Variants in OTOA observed in about 807,000 individuals in gnomAD.
The protein encoded by OTOA is otoancorin.
OTOA carries 70 observed loss-of-function variants against 110.8 expected under a neutral mutation model. The observed-to-expected ratio is 0.63, with a 90% CI of 0.52 to 0.77. OTOA has a LOEUF of 0.77. OTOA is among the 30% of genes least tolerant of loss of function. The probability of loss-of-function intolerance (pLI) is 0.00; values close to 1 mark genes in which losing one functional copy is unlikely to be tolerated. For synonymous variants in OTOA, 373 were observed against 431.5 expected (o/e 0.86, Z 1.68); for missense variants, 917 against 1,075.8 (o/e 0.85, Z 2.06).
intron 13 of OTOA, among the ~76,000 whole-genome samples, chr16:21,713,917 G>A (rs1190249997): frequency 6.6e-6 from 1 of 152,186 alleles, no homozygotes; most frequent in Non-Finnish European, 1.5e-5. Context: ...AGTTGAGGGA[G>A]ACGGTTTTGT....
At chr16:21,725,254 G>T (rs1318505773) in intron 18 of OTOA, among the ~76,000 whole-genome samples, 3 of 152,076 alleles carry the variant, frequency 2.0e-5, no homozygotes, top group Non-Finnish European at 4.4e-5. Context: ...TAAGACAGTG[G>T]TACTGGGAAT....
chr16:21,714,332 C>CCTTCCTTCCTTCCTTCCTTT (rs1555499743), intron 13 of OTOA, among the ~76,000 whole-genome samples: 20 of 127,736 alleles, frequency 1.6e-4, no homozygotes, highest in African/African-American at 5.6e-4. Context: ...TTCCTTCCTT[C>CCTTCCTTCCTTCCTTCCTTT]CTTTCTTTCT....
chr16:21,682,272 G>C (rs919467320), intron 6 of OTOA, among the ~76,000 whole-genome samples: 1 of 152,168 alleles, frequency 6.6e-6, no homozygotes, highest in Non-Finnish European at 1.5e-5. Context: ...TCCAATCCAG[G>C]GGATGGGTGG....
chr16:21,722,247 G>A (rs1349957226), intron 17 of OTOA, among the ~76,000 whole-genome samples: 3 of 80,614 alleles, frequency 3.7e-5, no homozygotes, highest in Non-Finnish European at 8.3e-5. Context: ...AGGTGACAGA[G>A]TGAGACTGTC....
intron 7 of OTOA, among the ~76,000 whole-genome samples, chr16:21,686,476 A>G (rs1021987133): frequency 6.6e-6 from 1 of 152,006 alleles, no homozygotes; most frequent in African/African-American, 2.4e-5. Flanking sequence ...TTTATTTTTT[A>G]GGGACGGGGT....
rs1231220843 is a variant in OTOA, at chr16:21,675,932, TA to T, written c.-4-2573del. ...TGCCTGGTAATTTTTATTTATTTATTAAAAAATTTCTTTGAGACAGGTTCTC... is the reference window on the plus strand; with the variant it reads ...TGCCTGGTAATTTTTATTTATTTATTAAAAATTTCTTTGAGACAGGTTCTC... On this transcript the variant is annotated intron_variant, in intron 1 of 28. Coordinates refer to ENST00000646100, the MANE Select transcript of OTOA (RefSeq NM_144672.4). 4.6e-5 allele frequency among the ~76,000 whole-genome samples: 7 copies of T among 152,182 alleles called. No individual in the cohort carries two copies. In the East Asian group the frequency reaches 1.2e-3, roughly 25 times the overall value.
chr16:21,694,160 G>T (rs1307061649), intron 9 of OTOA, among the ~76,000 whole-genome samples: 5 of 152,138 alleles, frequency 3.3e-5, no homozygotes, highest in Non-Finnish European at 5.9e-5. Context: ...TAAAAAGCAG[G>T]CAGGGTGCAG....
At chr16:21,712,371 G>A (rs1391127309) in intron 13 of OTOA, among the ~76,000 whole-genome samples, 1 of 151,686 alleles carries the variant, frequency 6.6e-6, no homozygotes, top group Non-Finnish European at 1.5e-5. Context: ...GAATCCCAAA[G>A]AATAAAGGAG....
intron 8 of OTOA, among the ~76,000 whole-genome samples, 163 bp from the exon 9 acceptor site, chr16:21,691,421 C>A (rs1415540908): frequency 2.0e-5 from 3 of 152,204 alleles, no homozygotes; most frequent in African/African-American, 7.2e-5. Flanking sequence ...AATCAATTTA[C>A]ATTCCAACCA....
intron 11 of OTOA, 162 bp downstream of exon 11, chr16:21,701,189 A>G (rs1000597646): frequency 9.6e-7 from 1 of 1,040,026 alleles, no homozygotes; most frequent in Non-Finnish European, 1.4e-6. Flanking sequence ...GGTGTCTGCA[A>G]CTTTTTTTAT....
intron 6 of OTOA, among the ~76,000 whole-genome samples, chr16:21,683,631 A>G (rs1018330108): frequency 6.6e-6 from 1 of 151,936 alleles, no homozygotes; most frequent in Admixed American, 6.6e-5. Context: ...GCTTGAGCCC[A>G]GGAGTTTGAG....
intron 28 of OTOA, among the ~76,000 whole-genome samples, chr16:21,757,533 C>T (rs1470057645): frequency 4.6e-5 from 7 of 152,400 alleles, no homozygotes; most frequent in African/African-American, 1.4e-4. Flanking sequence ...CTACCCAGAA[C>T]GCATAACATC....
chr16:21,691,663 C>T lies in OTOA; in HGVS notation c.715C>T (p.Leu239=), dbSNP rs2141665407. Residue 239 remains leucine (L), a synonymous_variant, in exon 9 of 29, where the codon CTG becomes TTG. Coordinates refer to ENST00000646100, the MANE Select transcript of OTOA (RefSeq NM_144672.4). ...RALYSWMTGI[L]QTSSNATDDS... is the part of the protein sequence containing the mutation. ...TCTCTATTCCTGGATGACTGGAATA[C>T]TGCAGACATCCTCCAATGCCACTGG... The T allele has an allele frequency of 6.2e-7, 1 of 1,613,756 alleles. No individual in the cohort carries two copies. Among genetic ancestry groups the T allele is most frequent in the East Asian group, 2.2e-5 (1 of 44,874 alleles).
intron 1 of OTOA, among the ~76,000 whole-genome samples, chr16:21,673,265 A>G (rs997826977): frequency 6.6e-6 from 1 of 152,230 alleles, no homozygotes; most frequent in Admixed American, 6.5e-5. Context: ...TAACAATAGT[A>G]CCATATAAAA....
chr16:21,728,478 G>A (rs751447969), intron 20 of OTOA, 47 bp downstream of exon 20: 1 of 1,591,568 alleles, frequency 6.3e-7, no homozygotes, highest in East Asian at 2.3e-5. Context: ...TATGCTCTGT[G>A]GAGGGACACT....
intron 17 of OTOA, among the ~76,000 whole-genome samples, chr16:21,722,246 A>C (rs955710737): frequency 2.0e-3 from 160 of 81,356 alleles, no homozygotes; most frequent in African/African-American, 6.7e-3. Context: ...TAGGTGACAG[A>C]GTGAGACTGT....
intron 8 of OTOA, among the ~76,000 whole-genome samples, chr16:21,690,420 C>T (rs537730666): frequency 1.3e-5 from 2 of 151,910 alleles, no homozygotes; most frequent in Non-Finnish European, 2.9e-5. Flanking sequence ...GTTCAGCTTC[C>T]ACTTACAAGT....
At chr16:21,696,551 T>C (rs1294960836) in intron 9 of OTOA, among the ~76,000 whole-genome samples, 2 of 152,048 alleles carry the variant, frequency 1.3e-5, no homozygotes, top group Admixed American at 1.3e-4. Flanking sequence ...GTCAAACATA[T>C]TTCATGTTGC....
chr16:21,715,493 T>G (rs1201461392), intron 14 of OTOA, among the ~76,000 whole-genome samples: 3 of 150,132 alleles, frequency 2.0e-5, no homozygotes, highest in African/African-American at 7.4e-5. Flanking sequence ...TGGAGTACAG[T>G]GGTATGATCA....
Sources: allele counts gnomAD v4.1 joint callset (sites outside exome capture counted in the v4.1 genomes callset), GRCh38; gene constraint gnomAD v4.1.1; transcripts MANE v1.5; gene names NCBI Gene and HGNC (gene_info 2026-07-23, HGNC 2026-07-21).